PCDHA1: variants seen among roughly 807,000 people sequenced by gnomAD.
PCDHA1 encodes the protein protocadherin alpha-1.
PCDHA1 carries 42 observed loss-of-function variants against 61.3 expected under a neutral mutation model. That is an observed-to-expected ratio of 0.69 (90% CI 0.54 to 0.89). The LOEUF is 0.89. Among genes scored for constraint, PCDHA1 ranks in the 40% least tolerant of loss-of-function variants. The pLI, the probability that PCDHA1 is intolerant of heterozygous loss-of-function variation, is 0.00. For missense variants in PCDHA1, 1,256 were observed against 1,235.3 expected (o/e 1.02, Z -0.25); for synonymous variants, 610 against 553.8 (o/e 1.10, Z -1.43).
At chr5:140,794,437 GAAATTCATAGAAA>G (rs1761857657) in intron 1 of PCDHA1, among the ~76,000 whole-genome samples, 2 of 152,194 alleles carry the variant, frequency 1.3e-5, no homozygotes, top group African/African-American at 4.8e-5. Context: ...CTAAAGTAGT[GAAATTCATAGAAA>G]TAGAAAATAG....
chr5:140,797,200 G>A (rs782337760), intron 1 of PCDHA1: 1 of 1,614,176 alleles, frequency 6.2e-7, no homozygotes, highest in Non-Finnish European at 8.5e-7. Flanking sequence ...CAGCGCCGTG[G>A]GGAGCTGGTC....
chr5:140,795,346 G>A, intron 1 of PCDHA1: 1 of 1,614,176 alleles, frequency 6.2e-7, no homozygotes. Context: ...GGACATTAAC[G>A]ACAACCCGCC....
chr5:140,936,780 T>C (rs2091148034), intron 1 of PCDHA1, among the ~76,000 whole-genome samples: 1 of 152,224 alleles, frequency 6.6e-6, no homozygotes, highest in Non-Finnish European at 1.5e-5. Flanking sequence ...TCTCTCACTT[T>C]GTTATTCTGC....
rs1554117490 is a variant in PCDHA1, at chr5:140,786,641, C to T, written c.351C>T (p.Phe117=). Residue 117 remains phenylalanine (F), a synonymous_variant, in exon 1 of 4, where the codon TTC becomes TTT. Coordinates refer to ENST00000504120, the MANE Select transcript of PCDHA1 (RefSeq NM_018900.4). ...TCGCCGACAGGCCGCTGCAGGTTTT[C>T]CATGTGGAGGTGAAGGTGAAAGACA... ...ELIADRPLQV[F]HVEVKVKDIN... is the part of the protein sequence containing the mutation. The T allele has an allele frequency of 6.2e-7, 1 of 1,614,226 alleles. No individual in the cohort carries two copies. The highest frequency in any genetic ancestry group is 8.5e-7 in the Non-Finnish European group (1 of 1,180,046).
At chr5:140,924,901 A>AT (rs1554202312) in intron 1 of PCDHA1, among the ~76,000 whole-genome samples, 3 of 80,456 alleles carry the variant, frequency 3.7e-5, no homozygotes, top group African/African-American at 8.6e-5. Context: ...TCTCAAAAAA[A>AT]AAAATAAAAT....
chr5:140,857,572 G>A lies in PCDHA1; in HGVS notation c.2394+68888G>A, dbSNP rs144978636. ...AGCGCTCGCTGTCGAGCTACGTGTCGGTGCACGCGGAGAGCGGCAAGGTGT... is the reference window on the plus strand; with the variant it reads ...AGCGCTCGCTGTCGAGCTACGTGTCAGTGCACGCGGAGAGCGGCAAGGTGT... On this transcript the variant is annotated intron_variant, in intron 1 of 3. Transcript: ENST00000504120. 1.4e-3 allele frequency: 2,186 copies of A among 1,596,706 alleles called. 111 individuals are homozygous for A. In the African/African-American group the frequency reaches 0.025, roughly 18 times the overall value.
chr5:140,888,606 G>A (rs2061900283), intron 1 of PCDHA1, among the ~76,000 whole-genome samples: 2 of 152,180 alleles, frequency 1.3e-5, no homozygotes, highest in African/African-American at 4.8e-5. Context: ...GCAGCTTTTA[G>A]TGTAGCACTA....
At chr5:140,858,305 C>A in intron 1 of PCDHA1, 1 of 1,597,172 alleles carries the variant, frequency 6.3e-7, no homozygotes. Context: ...GCAGCAGAGG[C>A]GGCAGAGGGT....
At chr5:140,922,336 A>G (rs1554200779) in intron 1 of PCDHA1, among the ~76,000 whole-genome samples, 2 of 152,226 alleles carry the variant, frequency 1.3e-5, no homozygotes, top group African/African-American at 4.8e-5. Context: ...GGGTTGGTAT[A>G]TTGGTATTTT....
At chr5:140,796,062 C>A (rs782198727) in intron 1 of PCDHA1, 1 of 1,614,216 alleles carries the variant, frequency 6.2e-7, no homozygotes, top group Admixed American at 1.7e-5. Flanking sequence ...CTTCCCTGGG[C>A]ACTGTCATTG....
intron 3 of PCDHA1, among the ~76,000 whole-genome samples, chr5:140,985,873 G>C (rs1210347898): frequency 1.3e-5 from 2 of 151,280 alleles, no homozygotes; most frequent in Non-Finnish European, 2.9e-5. Flanking sequence ...CTGAGTAGCT[G>C]GGACTACAGG....
rs2150177437 is a variant in PCDHA1 at position 140,829,902 on chromosome 5, AC to A, written c.2394+41219del. 3 of 1,613,830 alleles carry A rather than the reference AC, an allele frequency of 1.9e-6. No homozygotes were observed. The African/African-American group carries it at 4.0e-5, about 22-fold the overall frequency. Reference sequence around the variant, plus strand: ...GCAGTTGACGCCGACTCAGGCTACAACGCGTGGCTTTCGTATGAGCTGCAGC... The same window carrying A: ...GCAGTTGACGCCGACTCAGGCTACAAGCGTGGCTTTCGTATGAGCTGCAGC... On this transcript the variant is annotated intron_variant, in intron 1 of 3. Coordinates refer to ENST00000504120, the MANE Select transcript of PCDHA1 (RefSeq NM_018900.4).
At chr5:140,829,402 C>T in intron 1 of PCDHA1, 1 of 1,614,150 alleles carries the variant, frequency 6.2e-7, no homozygotes, top group Non-Finnish European at 8.5e-7. Flanking sequence ...CGCTGTGGGC[C>T]ACCGCCAGCT....
chr5:140,928,308 C>A, intron 1 of PCDHA1: 1 of 1,614,126 alleles, frequency 6.2e-7, no homozygotes, highest in Non-Finnish European at 8.5e-7. Flanking sequence ...CCCAGGACCC[C>A]GACCTGGGGA....
intron 1 of PCDHA1, chr5:140,851,484 A>G: frequency 2.2e-6 from 2 of 889,574 alleles, no homozygotes; most frequent in Non-Finnish European, 2.7e-6. Context: ...TTATAAACAC[A>G]GCCTTCATTT....
chr5:140,857,951 G>T (rs569786768), intron 1 of PCDHA1: 15 of 1,597,274 alleles, frequency 9.4e-6, no homozygotes, highest in East Asian at 2.2e-5. Flanking sequence ...TACGACGCGC[G>T]CTCTGGATGA....
At chr5:140,831,386 G>A (rs1185235315) in intron 1 of PCDHA1, among the ~76,000 whole-genome samples, 1 of 151,812 alleles carries the variant, frequency 6.6e-6, no homozygotes, top group East Asian at 1.9e-4. Flanking sequence ...GTGTGACAGG[G>A]TCTTGCTCTG....
At chr5:140,863,749 G>C (rs1346198553) in intron 1 of PCDHA1, 1 of 245,376 alleles carries the variant, frequency 4.1e-6, no homozygotes, top group Non-Finnish European at 8.0e-6. Flanking sequence ...TTGTAATCCC[G>C]GCACTTTGGG....
intron 1 of PCDHA1, chr5:140,881,502 A>G: frequency 1.2e-5 from 3 of 249,864 alleles, no homozygotes; most frequent in Non-Finnish European, 1.9e-5. Context: ...ACATACACAC[A>G]CTCACATACA....
Sources: gnomAD v4.1 joint callset for allele counts (sites outside exome capture counted in the v4.1 genomes callset) on GRCh38, gnomAD v4.1.1 for gene constraint, MANE v1.5 for transcripts, NCBI Gene and HGNC (gene_info 2026-07-23, HGNC 2026-07-21) for gene names.